The following MFSD2B variants were observed in gnomAD, a reference collection of about 807,000 sequenced individuals.
MFSD2B encodes sphingosine-1-phosphate transporter MFSD2B.
MFSD2B carries 56 observed loss-of-function variants against 58.4 expected under a neutral mutation model. That is an observed-to-expected ratio of 0.96 (90% confidence interval 0.77 to 1.20). The LOEUF is 1.20. Among genes scored for constraint, MFSD2B ranks in the 50% most tolerant of loss-of-function variants. MFSD2B has a pLI of 0.00. For missense variants in MFSD2B, 645 were observed against 667.6 expected (o/e 0.97, Z 0.37); for synonymous variants, 287 against 294.4 (o/e 0.97, Z 0.26).
intron 6 of MFSD2B, among the ~76,000 whole-genome samples, chr2:24,019,892 C>T (rs920447239): frequency 6.6e-6 from 1 of 152,250 alleles, no homozygotes; most frequent in African/African-American, 2.4e-5. Flanking sequence ...CACGCTGCTG[C>T]TGGCCAAGGG....
intron 2 of MFSD2B, among the ~76,000 whole-genome samples, chr2:24,015,759 C>T (rs1019408573): frequency 1.3e-5 from 2 of 152,144 alleles, no homozygotes; most frequent in African/African-American, 4.8e-5. Flanking sequence ...CAGAGGCACC[C>T]TCCTTGCTCT....
At position 24,017,301 on chromosome 2, in the gene MFSD2B, T is replaced by A. The variant is rs753714549; in HGVS notation, c.487T>A (p.Tyr163Asn). The change falls in exon 5 of 14, where the codon TAC becomes AAC. Residue 163 changes from tyrosine (Y) to asparagine (N), a missense_variant. By Grantham distance (143) the Tyr-to-Asn change is moderately radical. Coordinates refer to ENST00000338315, the MANE Select transcript of MFSD2B (RefSeq NM_001346880.2). This position sits in a 1 kb window ranked among gnomAD's most constrained non-coding sequence, Gnocchi z 4.8. The part of the protein sequence containing the change: ...QALATFFQVP[Y>N]TALTMLLTPC... ...GACGCCCCAGTTCTTCCAGGTGCCC[T>A]ACACAGCGCTCACCATGCTGCTGAC... The A allele has an allele frequency of 1.1e-5, 17 of 1,603,482 alleles. No individual in the cohort carries two copies. The highest frequency in any genetic ancestry group is 1.4e-5 in the Non-Finnish European group (17 of 1,175,590).
In MFSD2B at chr2:24,024,308, A is replaced by G. The variant is rs1299177273; in HGVS notation, c.1490+37A>G. ...ACGCCCCCTGCAGCCAGCGAGGCAC[A>G]GTGTGGGCTGCTGGGGGAATGACTA... is the stretch of plus-strand genomic sequence containing the variant. On this transcript the variant is annotated intron_variant, in intron 13 of 13. Coordinates refer to ENST00000338315, the MANE Select transcript of MFSD2B (RefSeq NM_001346880.2). This position sits in a 1 kb window ranked among gnomAD's most constrained non-coding sequence, Gnocchi z 4.3. 3 of 1,558,428 alleles carry G rather than the reference A, an allele frequency of 1.9e-6. No individual in the cohort carries two copies. Among genetic ancestry groups the G allele is most frequent in the East Asian group, 2.4e-5 (1 of 42,004 alleles).
At chr2:24,015,485 T>C (rs1709108898) in intron 2 of MFSD2B, among the ~76,000 whole-genome samples, 2 of 151,916 alleles carry the variant, frequency 1.3e-5, no homozygotes, top group Admixed American at 1.3e-4. Flanking sequence ...TAAAATGAGG[T>C]ATCCACGAAT....
intron 13 of MFSD2B, 147 bp from the exon 14 acceptor site, chr2:24,025,285 C>T: frequency 1.4e-6 from 1 of 702,596 alleles, no homozygotes; most frequent in Non-Finnish European, 2.5e-6. Context: ...GGTTGTAGCT[C>T]ATCTACAGGA....
Position 24,023,001 on chromosome 2 carries a change from C to A in MFSD2B, c.1059+99C>A, listed in dbSNP as rs1281914807. The A allele has an allele frequency of 2.9e-6, 4 of 1,368,194 alleles. No homozygotes were observed. The highest frequency in any genetic ancestry group is 1.4e-5 in the African/African-American group (1 of 70,276). The allele number at this position is 1,368,194 out of a possible 1,614,324, so 84.8% of individuals were successfully genotyped here. A position where few individuals can be genotyped will look rare whatever the true frequency, so the allele number is the denominator to read the frequency against. On this transcript the variant is annotated intron_variant, in intron 10 of 13. Transcript: ENST00000338315. The surrounding 1 kb of genome is among the most constrained non-coding windows in gnomAD (Gnocchi z 5.0). ...CCTCCTGGGGCCAGCAGGGGTGGAT[C>A]TGTGTTCCCTTGAGTCTTTAGGGCC...
intron 1 of MFSD2B, among the ~76,000 whole-genome samples, chr2:24,011,133 A>G (rs1708940591): frequency 6.6e-6 from 1 of 152,204 alleles, no homozygotes; most frequent in Non-Finnish European, 1.5e-5. Flanking sequence ...TAGAGATAGC[A>G]GGGCTGCGCC....
At chr2:24,016,605 C>G (rs1709153637) in intron 3 of MFSD2B, among the ~76,000 whole-genome samples, 1 of 152,174 alleles carries the variant, frequency 6.6e-6, no homozygotes, top group African/African-American at 2.4e-5. Flanking sequence ...AATGTCCACA[C>G]AGGGAAGGGC....
intron 2 of MFSD2B, among the ~76,000 whole-genome samples, chr2:24,014,880 G>A (rs755041839): frequency 1.1e-4 from 16 of 151,758 alleles, no homozygotes; most frequent in Admixed American, 3.9e-4. Flanking sequence ...AGCACTTTGC[G>A]AGGCCGAGGA....
chr2:24,011,962 C>T (rs1450353466), intron 1 of MFSD2B, among the ~76,000 whole-genome samples: 1 of 152,098 alleles, frequency 6.6e-6, no homozygotes, highest in Non-Finnish European at 1.5e-5. Flanking sequence ...CCTGAGGCAG[C>T]AACAGACTTG....
At chr2:24,010,406 G>T (rs754551968) in intron 1 of MFSD2B, among the ~76,000 whole-genome samples, 1 of 152,232 alleles carries the variant, frequency 6.6e-6, no homozygotes, top group Non-Finnish European at 1.5e-5. Context: ...CCTAGCCCTA[G>T]CCAAGGAAGT....
chr2:24,025,110 T>C (rs1662935785), intron 13 of MFSD2B, among the ~76,000 whole-genome samples: 1 of 152,176 alleles, frequency 6.6e-6, no homozygotes, highest in African/African-American at 2.4e-5. Context: ...CATGCACATA[T>C]CATGCAGGCC....
rs756789096 is a variant in MFSD2B, at chr2:24,021,781, G to A, written c.772+43G>A. The A allele has an allele frequency of 4.3e-6, 7 of 1,612,470 alleles. No homozygotes were observed. The highest frequency in any genetic ancestry group is 1.6e-4 in the Middle Eastern group (1 of 6,078). On this transcript the variant is annotated intron_variant, in intron 7 of 13. Transcript: ENST00000338315. This position sits in a 1 kb window ranked among gnomAD's most constrained non-coding sequence, Gnocchi z 5.7. Reference sequence around the variant, plus strand: ...GAGGGAAGCAGAAGCTGGGGGCAGGGCTCTGCTTGGGGGCAGGTTTTGCTT... The same window carrying A: ...GAGGGAAGCAGAAGCTGGGGGCAGGACTCTGCTTGGGGGCAGGTTTTGCTT...
At position 24,023,760 on chromosome 2, in the gene MFSD2B, C is replaced by T; in HGVS notation, c.1313+34C>T. On this transcript the variant is annotated intron_variant, in intron 12 of 13. Transcript: ENST00000338315. This position sits in a 1 kb window ranked among gnomAD's most constrained non-coding sequence, Gnocchi z 5.0. Reference sequence around the variant, plus strand: ...CAGGGTTAGGATACAGCAGAGGCACCAAGGACCAGTGGGCAGGAAGAGGGC... The same window carrying T: ...CAGGGTTAGGATACAGCAGAGGCACTAAGGACCAGTGGGCAGGAAGAGGGC... 1 of 1,607,744 alleles carries T rather than the reference C, an allele frequency of 6.2e-7. No homozygotes were observed. Among genetic ancestry groups the T allele is most frequent in the Non-Finnish European group, 8.5e-7 (1 of 1,175,938 alleles).
At chr2:24,015,622 C>G (rs1345756058) in intron 2 of MFSD2B, among the ~76,000 whole-genome samples, 2 of 152,216 alleles carry the variant, frequency 1.3e-5, no homozygotes, top group Non-Finnish European at 2.9e-5. Context: ...GCTGCGATTT[C>G]AGATGAGCTT....
rs955959473 is a variant in MFSD2B at position 24,021,872 on chromosome 2, C to T, written c.796C>T (p.Pro266Ser). 1.2e-6 allele frequency: 2 copies of T among 1,613,868 alleles called. No individual in the cohort carries two copies. The highest frequency in any genetic ancestry group is 1.7e-5 in the Admixed American group (1 of 60,002). ...AGACCCCTCTGCCCCAGCCTCAGGCCCAGGCTTGAGTTTCCTGGCTGGGCT... is the reference window on the plus strand; with the variant it reads ...AGACCCCTCTGCCCCAGCCTCAGGCTCAGGCTTGAGTTTCCTGGCTGGGCT... ...RPDPSAPASG[P>S]GLSFLAGLSL... The change falls in exon 8 of 14, where the codon CCA becomes TCA. Residue 266 changes from proline to serine, a missense_variant. Coordinates refer to ENST00000338315, the MANE Select transcript of MFSD2B (RefSeq NM_001346880.2). The surrounding 1 kb of genome is among the most constrained non-coding windows in gnomAD (Gnocchi z 5.7).
Position 24,024,216 on chromosome 2 carries a change from G to A in MFSD2B, c.1435G>A (p.Gly479Ser), listed in dbSNP as rs762582329. The A allele has an allele frequency of 3.0e-5, 48 of 1,613,046 alleles. No homozygotes were observed. Among genetic ancestry groups the A allele is most frequent in the Middle Eastern group, 1.6e-4 (1 of 6,082 alleles). ...ILAGLCILMV[G>S]STPKTPSRDA... ...TGCTGGGCTCTGCATCCTCATGGTC[G>A]GCTCCACTCCAAAGACACCCAGTCG... Residue 479 changes from glycine to serine, a missense_variant, in exon 13 of 14, where the codon GGC becomes AGC. By Grantham distance (56) the Gly-to-Ser change is moderately conservative. Coordinates refer to ENST00000338315, the MANE Select transcript of MFSD2B (RefSeq NM_001346880.2). This position sits in a 1 kb window ranked among gnomAD's most constrained non-coding sequence, Gnocchi z 4.3.
intron 2 of MFSD2B, among the ~76,000 whole-genome samples, chr2:24,014,337 A>G (rs140796122): frequency 0.011 from 1,655 of 152,032 alleles, 18 homozygotes; most frequent in Middle Eastern, 0.037. Context: ...TGTTTTTAGT[A>G]GAGACGGGGT....
At chr2:24,025,354 C>A in intron 13 of MFSD2B, 78 bp from the exon 14 acceptor site, 2 of 1,387,528 alleles carry the variant, frequency 1.4e-6, no homozygotes, top group Non-Finnish European at 2.0e-6. Flanking sequence ...GCCACCAAAC[C>A]TTCCGCGGGC....
Sources: allele counts gnomAD v4.1 joint callset (sites outside exome capture counted in the v4.1 genomes callset), GRCh38; gene constraint gnomAD v4.1.1; non-coding constraint Gnocchi (gnomAD v3.1); transcripts MANE v1.5; gene names NCBI Gene and HGNC (gene_info 2026-07-23, HGNC 2026-07-21).